ZFHX2: variants seen among roughly 807,000 people sequenced by gnomAD.
ZFHX2 encodes the protein zinc finger homeobox 2.
In ZFHX2, 75 loss-of-function variants were observed where a neutral mutation model predicts 164.8. The ratio of observed to expected loss-of-function variants is 0.46; its 90% CI spans 0.38 to 0.55. The LOEUF (loss-of-function observed/expected upper bound fraction) is 0.55, where lower values mean the gene tolerates loss of function less well. Among genes scored for constraint, ZFHX2 ranks in the 20% least tolerant of loss-of-function variants. ZFHX2 has a pLI of 0.00. For synonymous variants in ZFHX2, 1,217 were observed against 1,351.4 expected (o/e 0.90, Z 2.18); for missense variants, 2,933 against 3,308.0 (o/e 0.89, Z 2.78).
At position 23,534,480 on chromosome 14, in the gene ZFHX2, A is replaced by G. The variant is rs1310884302; in HGVS notation, c.846T>C (p.Asp282=). ...AGCTTATGAGGGCCTTGCAGCCTTC[A>G]TCTCCCTCCTGGAGTACAGCTGGGC... ...SGSPAVLQEG[D]EGCKALISFL... The change falls in exon 2 of 10, where the codon GAT becomes GAC. Residue 282 remains aspartate (D), a synonymous_variant. Coordinates refer to ENST00000419474, the MANE Select transcript of ZFHX2 (RefSeq NM_033400.3). The surrounding 1 kb of genome is among the most constrained non-coding windows in gnomAD (Gnocchi z 4.5). 4 of 1,536,214 alleles carry G rather than the reference A, an allele frequency of 2.6e-6. No individual in the cohort carries two copies. The South Asian group carries it at 4.8e-5, about 18-fold the overall frequency.
intron 1 of ZFHX2, chr14:23,537,980 T>A (rs972982206): frequency 6.5e-6 from 1 of 152,856 alleles, no homozygotes. Context: ...TCACCCTCCC[T>A]AAGCCTACCA....
Position 23,535,043 on chromosome 14 carries a change from C to T in ZFHX2, c.283G>A (p.Asp95Asn). 6.5e-7 allele frequency: 1 copy of T among 1,536,220 alleles called. No homozygotes were observed. Among genetic ancestry groups the T allele is most frequent in the Admixed American group, 2.0e-5 (1 of 50,998 alleles). Residue 95 changes from aspartate to asparagine, a missense_variant, in exon 2 of 10, where the codon GAC becomes AAC. Coordinates refer to ENST00000419474, the MANE Select transcript of ZFHX2 (RefSeq NM_033400.3). The surrounding 1 kb of genome is among the most constrained non-coding windows in gnomAD (Gnocchi z 4.5). ...FPPNDPGVEK[D>N]KEQEEEEEGL... is the part of the protein sequence containing the mutation. ...TCTTCTTCCTCCTCCTGCTCCTTGT[C>T]CTTTTCCACCCCTGGGTCATTTGGT... is the stretch of plus-strand genomic sequence containing the variant.
At chr14:23,528,516 C>T (rs1394489054) in intron 6 of ZFHX2, 8 of 812,672 alleles carry the variant, frequency 9.8e-6, no homozygotes, top group African/African-American at 9.3e-5. Flanking sequence ...CCTATCCTGT[C>T]GTGTCTTCTC....
chr14:23,525,854 A>G lies in ZFHX2; in HGVS notation c.4088T>C (p.Leu1363Pro), dbSNP rs1566576289. The change falls in exon 9 of 10, where the codon CTG (leucine) becomes CCG (proline). Residue 1363 changes from leucine (L) to proline (P), a missense_variant. By Grantham distance (98) the Leu-to-Pro change is moderately conservative (BLOSUM62 -3). Transcript: ENST00000419474. The surrounding 1 kb of genome is among the most constrained non-coding windows in gnomAD (Gnocchi z 5.9). ...ESLLKLQQQQ[L>P]LLPFYLHDLK... The stretch of plus-strand genomic sequence containing the variant: ...ATCGTGGAGGTAGAAGGGCAGGAGC[A>G]GCTGCTGCTGCTGGAGCTTAAGCAG... The G allele has an allele frequency of 2.1e-6, 3 of 1,455,272 alleles. No individual in the cohort carries two copies. Among genetic ancestry groups the G allele is most frequent in the Non-Finnish European group, 1.8e-6 (2 of 1,109,738 alleles). The allele number at this position is 1,455,272 out of a possible 1,614,324, so 90.1% of individuals were successfully genotyped here.
chr14:23,523,345 T>TG lies in ZFHX2; in HGVS notation c.6596dup (p.Ala2200SerfsTer96). ...TGGTGGCAGGTGGGGCCTTGAGAGC[T>TG]GGGGGAGCCTCAGGTGCTGGGGCCA... On this transcript the variant is annotated frameshift_variant, in exon 9 of 10. Transcript: ENST00000419474. LOFTEE classifies it high-confidence loss of function. This position sits in a 1 kb window ranked among gnomAD's most constrained non-coding sequence, Gnocchi z 4.1. 6.8e-7 allele frequency: 1 copy of TG among 1,465,836 alleles called. No homozygotes were observed. The allele number at this position is 1,465,836 out of a possible 1,614,324, so 90.8% of individuals were successfully genotyped here.
In ZFHX2 at chr14:23,521,805, G is replaced by A. The variant is rs1308295428; in HGVS notation, c.*157C>T. 2.3e-6 allele frequency: 3 copies of A among 1,292,936 alleles called. No individual in the cohort carries two copies. The highest frequency in any genetic ancestry group is 2.7e-4 in the Middle Eastern group (1 of 3,654). 80.1% of individuals were successfully genotyped at this position (1,292,936 alleles called of 1,614,324 possible). On this transcript the variant is annotated 3_prime_UTR_variant, in exon 10 of 10. Transcript: ENST00000419474. ...AGGAGGCAGGACTCTGCTGGAAGTG[G>A]GGTGTGTGGTGCCCACTGAGGGTGG...
chr14:23,552,790 G>A (rs1232497225), upstream of ZFHX2, among the ~76,000 whole-genome samples: 1 of 151,262 alleles, frequency 6.6e-6, no homozygotes, highest in East Asian at 1.9e-4. Flanking sequence ...TAGTAGAGAC[G>A]GGGGTTTCAC....
upstream of ZFHX2, among the ~76,000 whole-genome samples, chr14:23,554,724 A>T (rs1414437569): frequency 6.6e-6 from 1 of 151,984 alleles, no homozygotes; most frequent in Non-Finnish European, 1.5e-5. Flanking sequence ...CCTTCTCCCT[A>T]TAATACCTCT....
rs1273294107 is a variant in ZFHX2, at chr14:23,522,881, A to G, written c.6800T>C (p.Val2267Ala). The G allele has an allele frequency of 1.3e-6, 2 of 1,499,652 alleles. No individual in the cohort carries two copies. Among genetic ancestry groups the G allele is most frequent in the African/African-American group, 1.4e-5 (1 of 72,096 alleles). 92.9% of individuals were successfully genotyped at this position (1,499,652 alleles called of 1,614,324 possible). Residue 2267 changes from valine (V) to alanine (A), a missense_variant, in exon 10 of 10, where the codon GTG becomes GCG. Coordinates refer to ENST00000419474, the MANE Select transcript of ZFHX2 (RefSeq NM_033400.3). ...LATSVLPTTT[V>A]VQTAGPGRPL... ...GCGGCCTGGGCCAGCAGTCTGGACC[A>G]CTGTGGTGGTAGGCAGGACCGAAGT...
At position 23,525,849 on chromosome 14, in the gene ZFHX2, G is replaced by A; in HGVS notation, c.4093C>T (p.Leu1365=). ...LLKLQQQQLL[L]PFYLHDLKVG... is the part of the protein sequence containing the mutation. The stretch of plus-strand genomic sequence containing the variant: ...TTGAGATCGTGGAGGTAGAAGGGCA[G>A]GAGCAGCTGCTGCTGCTGGAGCTTA... The change falls in exon 9 of 10, where the codon CTG becomes TTG. Residue 1365 remains leucine (L), a synonymous_variant. Transcript: ENST00000419474. The surrounding 1 kb of genome is among the most constrained non-coding windows in gnomAD (Gnocchi z 5.9). 2.7e-6 allele frequency: 4 copies of A among 1,456,634 alleles called. No individual in the cohort carries two copies. The South Asian group carries it at 5.7e-5, about 21-fold the overall frequency. 90.2% of individuals were successfully genotyped at this position (1,456,634 alleles called of 1,614,324 possible). A position where few individuals can be genotyped will look rare whatever the true frequency, so the allele number is the denominator to read the frequency against.
rs1254434447 is a variant in ZFHX2 at position 23,521,864 on chromosome 14, AG to A, written c.*97del. On this transcript the variant is annotated 3_prime_UTR_variant, in exon 10 of 10. Transcript: ENST00000419474. ...CAGTTCCTGTGAGGTGGGCGGGGCC[AG>A]GGGGTGGGGTGAGGGATTTGAGCTC... 4 of 1,486,018 alleles carry A rather than the reference AG, an allele frequency of 2.7e-6. No individual in the cohort carries two copies. The highest frequency in any genetic ancestry group is 1.4e-5 in the African/African-American group (1 of 71,124). The allele number at this position is 1,486,018 out of a possible 1,614,324, so 92.1% of individuals were successfully genotyped here.
rs2138783970 is a variant in ZFHX2 at position 23,533,409 on chromosome 14, G to A, written c.1917C>T (p.Ala639=). 1 of 1,503,950 alleles carries A rather than the reference G, an allele frequency of 6.6e-7. No individual in the cohort carries two copies. Among genetic ancestry groups the A allele is most frequent in the Non-Finnish European group, 8.9e-7 (1 of 1,128,390 alleles). The allele number at this position is 1,503,950 out of a possible 1,614,324, so 93.2% of individuals were successfully genotyped here. ...PELFQYFGPQ[A]LGQPQTPLAG... ...CCAAGGGAGTCTGAGGCTGCCCTAG[G>A]GCCTGGGGCCCAAAGTACTGGAAGA... The change falls in exon 2 of 10, where the codon GCC becomes GCT. Residue 639 remains alanine (A), a synonymous_variant. Transcript: ENST00000419474. The surrounding 1 kb of genome is among the most constrained non-coding windows in gnomAD (Gnocchi z 4.8).
Position 23,546,535 on chromosome 14 carries a change from G to A in ZFHX2, c.-50+4808C>T, listed in dbSNP as rs577292379. On this transcript the variant is annotated intron_variant, in intron 1 of 9. Transcript: ENST00000419474. The surrounding 1 kb of genome is among the most constrained non-coding windows in gnomAD (Gnocchi z 4.7). ...GGTCTCTGGACTAGTTCCTACATGA[G>A]GAAGCCACTGAGAGCCCATGGGATT... 1.5e-4 allele frequency among the ~76,000 whole-genome samples: 23 copies of A among 152,216 alleles called. 1 individual carries two copies. In the South Asian group the frequency reaches 4.1e-3, roughly 27 times the overall value.
chr14:23,534,031 A>T lies in ZFHX2; in HGVS notation c.1295T>A (p.Phe432Tyr). The change falls in exon 2 of 10, where the codon TTC becomes TAC. Residue 432 changes from phenylalanine to tyrosine, a missense_variant. Phe to Tyr is a conservative substitution (Grantham distance 22). Coordinates refer to ENST00000419474, the MANE Select transcript of ZFHX2 (RefSeq NM_033400.3). This position sits in a 1 kb window ranked among gnomAD's most constrained non-coding sequence, Gnocchi z 4.5. ...GTGGCTGGACAGGCTGAGGCCCTGGAAGGCTGCAGGGGCTGGGGTGTAGTC... is the reference window on the plus strand; with the variant it reads ...GTGGCTGGACAGGCTGAGGCCCTGGTAGGCTGCAGGGGCTGGGGTGTAGTC... ...ADDYTPAPAA[F>Y]QGLSLSSHMS... 6.5e-7 allele frequency: 1 copy of T among 1,536,370 alleles called. No homozygotes were observed. Among genetic ancestry groups the T allele is most frequent in the Non-Finnish European group, 8.7e-7 (1 of 1,146,484 alleles).
At chr14:23,541,079 G>A (rs1251089884) in intron 1 of ZFHX2, among the ~76,000 whole-genome samples, 1 of 151,646 alleles carries the variant, frequency 6.6e-6, no homozygotes, top group East Asian at 1.9e-4. Flanking sequence ...GCTAATTTTT[G>A]TATTTCAGTA....
intron 4 of ZFHX2, chr14:23,530,694 G>A (rs758626609): frequency 5.8e-6 from 2 of 342,062 alleles, no homozygotes; most frequent in Middle Eastern, 1.0e-3. Flanking sequence ...AAGTGTTAAA[G>A]TTCCTTAACT....
chr14:23,550,896 C>T (rs1881879313), intron 1 of ZFHX2, among the ~76,000 whole-genome samples: 1 of 152,036 alleles, frequency 6.6e-6, no homozygotes, highest in Admixed American at 6.5e-5. Flanking sequence ...CCACAGCCGG[C>T]GGGGGGCCGC....
intron 4 of ZFHX2, 86 bp from the exon 5 acceptor site, chr14:23,530,280 CCAGT>C (rs1471958987): frequency 3.8e-6 from 4 of 1,064,406 alleles, no homozygotes; most frequent in East Asian, 2.6e-5. Context: ...GGACAAGCAG[CCAGT>C]CAATGAAGGA....
rs1448351900 is a variant in ZFHX2, at chr14:23,525,091, G to T, written c.4851C>A (p.Ser1617Arg). 6.5e-7 allele frequency: 1 copy of T among 1,536,044 alleles called. No homozygotes were observed. Among genetic ancestry groups the T allele is most frequent in the East Asian group, 2.4e-5 (1 of 40,920 alleles). ...TQALQSFFET[S>R]AYPKDGEVER... ...CCACCTCTCCGTCTTTGGGGTAGGC[G>T]CTAGTCTCAAAGAAAGACTGCAGGG... The change falls in exon 9 of 10, where the codon AGC (serine) becomes AGA (arginine). Residue 1617 changes from serine to arginine, a missense_variant. Physicochemically the swap from Ser to Arg is moderately radical, Grantham distance 110. Coordinates refer to ENST00000419474, the MANE Select transcript of ZFHX2 (RefSeq NM_033400.3). This position sits in a 1 kb window ranked among gnomAD's most constrained non-coding sequence, Gnocchi z 5.9.
Sources: gnomAD v4.1 joint callset for allele counts (sites outside exome capture counted in the v4.1 genomes callset) on GRCh38, gnomAD v4.1.1 for gene constraint, Gnocchi (gnomAD v3.1) non-coding constraint, MANE v1.5 for transcripts, NCBI Gene and HGNC (gene_info 2026-07-23, HGNC 2026-07-21) for gene names.